Variants in SSR1 observed in about 807,000 individuals in gnomAD.
SSR1 encodes translocon-associated protein subunit alpha.
In SSR1, 13 loss-of-function variants were observed where a neutral mutation model predicts 36.1. The observed-to-expected ratio is 0.36, with a 90% CI of 0.23 to 0.57. SSR1 has a LOEUF of 0.57. SSR1 is among the 20% of genes least tolerant of loss of function. The probability of loss-of-function intolerance (pLI) is 0.81; values close to 1 mark genes in which losing one functional copy is unlikely to be tolerated. For synonymous variants in SSR1, 113 were observed against 118.9 expected (o/e 0.95, Z 0.32); for missense variants, 291 against 338.5 (o/e 0.86, Z 1.10).
chr6:7,297,045 A>G, intron 6 of SSR1: 1 of 243,690 alleles, frequency 4.1e-6, no homozygotes, highest in Non-Finnish European at 8.5e-6. Flanking sequence ...ACATGGCGAA[A>G]CCCTGTCTCT....
rs1377349220 is a variant in SSR1, at chr6:7,281,869, C to T, written c.*7995G>A. The T allele has an allele frequency of 6.6e-6, 1 of 152,156 alleles. No homozygotes were observed. Among genetic ancestry groups the T allele is most frequent in the Non-Finnish European group, 1.5e-5 (1 of 68,036 alleles). 9.4% of individuals were successfully genotyped at this position (152,156 alleles called of 1,614,324 possible). On this transcript the variant is annotated 3_prime_UTR_variant, in exon 8 of 8. Transcript: ENST00000244763. ...GGCAGTTAGAATGGCGTTAAGGAAACCATTTAGGTCTAAAAATCAGGACTG... is the reference window on the plus strand; with the variant it reads ...GGCAGTTAGAATGGCGTTAAGGAAATCATTTAGGTCTAAAAATCAGGACTG...
In SSR1 at chr6:7,295,028, G is replaced by A. The variant is rs940575129; in HGVS notation, c.793+364C>T. On this transcript the variant is annotated intron_variant, in intron 7 of 7. Transcript: ENST00000244763. ...ATTAAACTTGACGTAAAATATTTAC[G>A]TGCTATTTGAGAGCCCCCAATTCTC... 25 of 1,397,162 alleles carry A rather than the reference G, an allele frequency of 1.8e-5. No homozygotes were observed. The South Asian group carries it at 1.9e-4, about 11-fold the overall frequency. The allele number at this position is 1,397,162 out of a possible 1,614,324, so 86.5% of individuals were successfully genotyped here. A position where few individuals can be genotyped will look rare whatever the true frequency, so the allele number is the denominator to read the frequency against.
intron 2 of SSR1, among the ~76,000 whole-genome samples, chr6:7,303,971 AG>A (rs1357936422): frequency 2.0e-5 from 3 of 152,280 alleles, no homozygotes; most frequent in Admixed American, 6.5e-5. Context: ...CTCAAAAAAA[AG>A]AAATAAAGAC....
chr6:7,286,556 T>G lies in SSR1; in HGVS notation c.*3308A>C, dbSNP rs957225247. On this transcript the variant is annotated 3_prime_UTR_variant, in exon 8 of 8. Coordinates refer to ENST00000244763, the MANE Select transcript of SSR1 (RefSeq NM_003144.5). ...TAAGAGCTCAAAGTAGAGTTTTACT[T>G]AAGAAAATTGGGGCAAACATTGATT... 1 of 152,184 alleles carries G rather than the reference T, an allele frequency of 6.6e-6. No individual in the cohort carries two copies. The highest frequency in any genetic ancestry group is 2.4e-5 in the African/African-American group (1 of 41,444). The allele number at this position is 152,184 out of a possible 1,614,324, so 9.4% of individuals were successfully genotyped here. A position where few individuals can be genotyped will look rare whatever the true frequency, so the allele number is the denominator to read the frequency against.
rs762271139 is a variant in SSR1, at chr6:7,303,570, A to G, written c.260T>C (p.Ile87Thr). The G allele has an allele frequency of 2.5e-6, 4 of 1,612,560 alleles. No homozygotes were observed. The highest frequency in any genetic ancestry group is 3.4e-6 in the Non-Finnish European group (4 of 1,179,124). Residue 87 changes from isoleucine to threonine, a missense_variant, in exon 3 of 8, where the codon ATA becomes ACA. Physicochemically the swap from Ile to Thr is moderately conservative, Grantham distance 89. Transcript: ENST00000244763. ...ATTACCTTCTCCTTTTACAAACAGTATAGTTGTATCTGCACTCGGTGAAGC... is the reference window on the plus strand; with the variant it reads ...ATTACCTTCTCCTTTTACAAACAGTGTAGTTGTATCTGCACTCGGTGAAGC... ...PEASPSADTT[I>T]LFVKGEDFPA... is the part of the protein sequence containing the mutation.
rs369868233 is a variant in SSR1, at chr6:7,301,631, A to T, written c.281-59T>A. 61 of 1,515,882 alleles carry T rather than the reference A, an allele frequency of 4.0e-5. No individual in the cohort carries two copies. In the African/African-American group the frequency reaches 5.4e-4, roughly 13 times the overall value. 93.9% of individuals were successfully genotyped at this position (1,515,882 alleles called of 1,614,324 possible). On this transcript the variant is annotated intron_variant, in intron 3 of 7. Coordinates refer to ENST00000244763, the MANE Select transcript of SSR1 (RefSeq NM_003144.5). ...CACATGGAAAGAGCACAAAATATTT[A>T]AAAAGGCATTACTAATGGATTCTGG...
chr6:7,305,984 T>C (rs956954158), intron 2 of SSR1, among the ~76,000 whole-genome samples: 1 of 152,140 alleles, frequency 6.6e-6, no homozygotes, highest in Non-Finnish European at 1.5e-5. Context: ...TTGCAAACAA[T>C]CTCCAGAGGA....
chr6:7,296,667 T>G (rs1277244565), intron 6 of SSR1, among the ~76,000 whole-genome samples: 6 of 122,148 alleles, frequency 4.9e-5, no homozygotes, highest in South Asian at 2.7e-4. Context: ...AGGAGGAGGG[T>G]GAGTGAGGGA....
chr6:7,300,335 T>C (rs1757907003), intron 4 of SSR1, among the ~76,000 whole-genome samples: 1 of 152,204 alleles, frequency 6.6e-6, no homozygotes, highest in South Asian at 2.1e-4. Context: ...TTAGATGTGC[T>C]CTCATTTAGA....
At chr6:7,311,732 A>G (rs1758198535) in intron 1 of SSR1, among the ~76,000 whole-genome samples, 1 of 150,622 alleles carries the variant, frequency 6.6e-6, no homozygotes, top group Non-Finnish European at 1.5e-5. Context: ...ATGAAGTCTA[A>G]CAGTCTTCAT....
Position 7,289,200 on chromosome 6 carries a change from C to T in SSR1, c.*664G>A, listed in dbSNP as rs1027183167. The T allele has an allele frequency of 2.6e-5, 4 of 152,176 alleles. No homozygotes were observed. Among genetic ancestry groups the T allele is most frequent in the African/African-American group, 9.7e-5 (4 of 41,428 alleles). 9.4% of individuals were successfully genotyped at this position (152,176 alleles called of 1,614,324 possible). On this transcript the variant is annotated 3_prime_UTR_variant, in exon 8 of 8. Coordinates refer to ENST00000244763, the MANE Select transcript of SSR1 (RefSeq NM_003144.5). ...TAAAAAAGGGGGTAGGATTAGGTTT[C>T]ATATATTAAAGTCAGCAGAAATTTC...
At chr6:7,296,715 AG>A (rs1455210441) in intron 6 of SSR1, among the ~76,000 whole-genome samples, 1 of 144,292 alleles carries the variant, frequency 6.9e-6, no homozygotes, top group Non-Finnish European at 1.5e-5. Context: ...GGAAAGGAGG[AG>A]GGTGAGTGAG....
At chr6:7,303,721 T>G (rs1056808421) in intron 2 of SSR1, 84 bp from the exon 3 acceptor site, 16 of 1,037,648 alleles carry the variant, frequency 1.5e-5, no homozygotes, top group Non-Finnish European at 2.2e-5. Context: ...CCGGGCACGG[T>G]GGCTCACACT....
In SSR1 at chr6:7,303,624, T is replaced by C. The variant is rs1410086657; in HGVS notation, c.206A>G (p.Glu69Gly). Reference sequence around the variant, plus strand: ...AGGTTCACCAGACACATCTTCTTCCTCTTTATCTTCTACCTAAGAAAAAGA... The same window carrying C: ...AGGTTCACCAGACACATCTTCTTCCCCTTTATCTTCTACCTAAGAAAAAGA... ...DEPTDLVEDK[E>G]EEDVSGEPEA... The change falls in exon 3 of 8, where the codon GAG (glutamate) becomes GGG (glycine). Residue 69 changes from glutamate (E) to glycine (G), a missense_variant. Transcript: ENST00000244763. The C allele has an allele frequency of 1.2e-6, 2 of 1,611,810 alleles. No individual in the cohort carries two copies. Among genetic ancestry groups the C allele is most frequent in the South Asian group, 2.2e-5 (2 of 91,018 alleles).
chr6:7,297,106 A>C (rs1757814252), intron 6 of SSR1: 1 of 340,070 alleles, frequency 2.9e-6, no homozygotes, highest in African/African-American at 2.3e-5. Context: ...CTGTAGTTCG[A>C]CTACTCAGGA....
At chr6:7,303,489 T>G in intron 3 of SSR1, 61 bp downstream of exon 3, 1 of 1,202,076 alleles carries the variant, frequency 8.3e-7, no homozygotes, top group Non-Finnish European at 1.2e-6. Context: ...CAGATATATA[T>G]GAACAAGCTC....
chr6:7,309,853 G>T, intron 2 of SSR1, 64 bp downstream of exon 2: 1 of 1,283,166 alleles, frequency 7.8e-7, no homozygotes, highest in Non-Finnish European at 1.1e-6. Flanking sequence ...TTTATTAGCA[G>T]CATGAGAACA....
rs770088759 is a variant in SSR1, at chr6:7,308,224, C to T, written c.192+1693G>A. On this transcript the variant is annotated intron_variant, in intron 2 of 7. Coordinates refer to ENST00000244763, the MANE Select transcript of SSR1 (RefSeq NM_003144.5). ...AAGAGGGGGAAATTAGGAGAGTTCA[C>T]AAATTACTAGGGACATCCTATCCAG... Among the ~76,000 whole-genome samples the T allele has an allele frequency of 9.5e-4, 144 of 152,060 alleles. 2 individuals carry two copies. The highest frequency in any genetic ancestry group is 2.4e-4 in the Non-Finnish European group (16 of 68,026).
intron 2 of SSR1, among the ~76,000 whole-genome samples, chr6:7,306,321 T>G (rs1758052549): frequency 6.6e-6 from 1 of 151,828 alleles, no homozygotes; most frequent in African/African-American, 2.4e-5. Context: ...TTTTTTGTAT[T>G]TTTAGTAGAG....
Sources: allele counts gnomAD v4.1 joint callset (sites outside exome capture counted in the v4.1 genomes callset), GRCh38; gene constraint gnomAD v4.1.1; transcripts MANE v1.5; gene names NCBI Gene and HGNC (gene_info 2026-07-23, HGNC 2026-07-21).